PPARGC1A: variants seen among roughly 807,000 people sequenced by gnomAD.
PPARGC1A encodes PPARG coactivator 1 alpha.
In PPARGC1A, 25 loss-of-function variants were observed where a neutral mutation model predicts 88.7. The observed-to-expected ratio is 0.28, with a 90% confidence interval of 0.21 to 0.39. The LOEUF (loss-of-function observed/expected upper bound fraction) is 0.39, where lower values mean the gene tolerates loss of function less well. PPARGC1A is among the 10% of genes least tolerant of loss of function. The probability of loss-of-function intolerance (pLI) is 1.00; values close to 1 mark genes in which losing one functional copy is unlikely to be tolerated. For synonymous variants in PPARGC1A, 363 were observed against 355.6 expected (o/e 1.02, Z -0.24); for missense variants, 880 against 968.7 (o/e 0.91, Z 1.22).
At chr4:24,313,865 A>C in the PPARGC1A span, among the ~76,000 whole-genome samples, 1 of 152,252 alleles carries the variant, frequency 6.6e-6, no homozygotes, top group Non-Finnish European at 1.5e-5. Flanking sequence ...GAAGTGAAAA[A>C]TGGATAACAT....
chr4:24,454,053 T>A, the PPARGC1A span, among the ~76,000 whole-genome samples: 1 of 151,926 alleles, frequency 6.6e-6, no homozygotes, highest in African/African-American at 2.4e-5. Context: ...ATCTTCTTGA[T>A]CACTACTATT....
intron 7 of PPARGC1A, among the ~76,000 whole-genome samples, chr4:23,818,620 A>G (rs1360147027): frequency 6.6e-6 from 1 of 152,036 alleles, no homozygotes; most frequent in Non-Finnish European, 1.5e-5. Flanking sequence ...TGCACAGCAA[A>G]TCTGGGAGAA....
Position 23,829,514 on chromosome 4 carries a change from C to T in PPARGC1A, c.501G>A (p.Gln167=), listed in dbSNP as rs1027475766. Residue 167 remains glutamine, a synonymous_variant, in exon 4 of 13, where the codon CAG becomes CAA. Coordinates refer to ENST00000264867, the MANE Select transcript of PPARGC1A (RefSeq NM_013261.5). ...TCCTGTGATTGTGATTTGCATGGTTCTGGGTACTGAGACCACTGCATTCAT... is the reference window on the plus strand; with the variant it reads ...TCCTGTGATTGTGATTTGCATGGTTTTGGGTACTGAGACCACTGCATTCAT... ...SYNECSGLST[Q]NHANHNHRIR... is the part of the protein sequence containing the mutation. The T allele has an allele frequency of 3.1e-6, 5 of 1,613,752 alleles. No individual in the cohort carries two copies. The highest frequency in any genetic ancestry group is 1.7e-5 in the Admixed American group (1 of 60,016).
chr4:23,878,074 G>A (rs1715162057), intron 2 of PPARGC1A, among the ~76,000 whole-genome samples: 2 of 152,090 alleles, frequency 1.3e-5, no homozygotes, highest in South Asian at 2.1e-4. Context: ...TTTCCTCCTT[G>A]TGAATTTGGG....
At chr4:24,083,858 C>T in the PPARGC1A span, among the ~76,000 whole-genome samples, 40 of 152,206 alleles carry the variant, frequency 2.6e-4, no homozygotes, top group Admixed American at 2.6e-3. Context: ...GCGTCTGCAT[C>T]TTATTTCGTT....
chr4:24,318,265 G>C, the PPARGC1A span, among the ~76,000 whole-genome samples: 1 of 152,172 alleles, frequency 6.6e-6, no homozygotes, highest in Non-Finnish European at 1.5e-5. Context: ...ACATATGACT[G>C]TTTCTCCGGG....
chr4:23,910,795 G>A, the PPARGC1A span, among the ~76,000 whole-genome samples: 2 of 127,018 alleles, frequency 1.6e-5, no homozygotes, highest in East Asian at 4.2e-4. Context: ...ATTATCTTAT[G>A]AAATGTCAAC....
the PPARGC1A span, among the ~76,000 whole-genome samples, chr4:24,335,668 G>A: frequency 2.0e-5 from 3 of 152,228 alleles, no homozygotes; most frequent in Non-Finnish European, 1.5e-5. Context: ...GCGAGGGTAC[G>A]TTACAGAGGA....
chr4:23,862,745 C>G (rs1222577599), intron 2 of PPARGC1A, among the ~76,000 whole-genome samples: 2 of 152,166 alleles, frequency 1.3e-5, no homozygotes, highest in Non-Finnish European at 2.9e-5. Flanking sequence ...CAAGAAGAAG[C>G]CTGGCGAATT....
chr4:24,127,443 G>A, the PPARGC1A span, among the ~76,000 whole-genome samples: 2 of 151,950 alleles, frequency 1.3e-5, no homozygotes, highest in Non-Finnish European at 2.9e-5. Context: ...TGTTTATCTG[G>A]TGGGGGTGAG....
At chr4:24,191,750 C>CAA in the PPARGC1A span, among the ~76,000 whole-genome samples, 18 of 152,314 alleles carry the variant, frequency 1.2e-4, no homozygotes, top group South Asian at 3.5e-3. Context: ...TGGGTGGCCA[C>CAA]AGCTGGCACA....
chr4:24,088,113 C>A, the PPARGC1A span, among the ~76,000 whole-genome samples: 2 of 152,066 alleles, frequency 1.3e-5, no homozygotes, highest in African/African-American at 2.4e-5. Flanking sequence ...TTTTGGGAGG[C>A]CGAGGCAAGA....
the PPARGC1A span, among the ~76,000 whole-genome samples, chr4:23,990,120 C>T: frequency 6.9e-6 from 1 of 144,212 alleles, no homozygotes; most frequent in Non-Finnish European, 1.5e-5. Context: ...ATATAATATA[C>T]ATTATATATT....
chr4:24,125,194 C>T, the PPARGC1A span, among the ~76,000 whole-genome samples: 151 of 152,234 alleles, frequency 9.9e-4, 3 homozygotes, highest in East Asian at 0.028. Context: ...TTTTATACAT[C>T]TTAAATTAAT....
the PPARGC1A span, among the ~76,000 whole-genome samples, chr4:24,044,063 C>G: frequency 6.6e-6 from 1 of 152,078 alleles, no homozygotes; most frequent in South Asian, 2.1e-4. Flanking sequence ...TAACAAAGAG[C>G]GTCAAATTGG....
the PPARGC1A span, among the ~76,000 whole-genome samples, chr4:24,157,894 T>C: frequency 6.6e-6 from 1 of 151,682 alleles, no homozygotes; most frequent in Non-Finnish European, 1.5e-5. Context: ...TCAGAAAAAA[T>C]AAAAAAGCAA....
chr4:24,132,545 T>G, the PPARGC1A span, among the ~76,000 whole-genome samples: 1 of 152,196 alleles, frequency 6.6e-6, no homozygotes, highest in African/African-American at 2.4e-5. Context: ...TTTCTTCTCT[T>G]GATATGTGCT....
chr4:24,051,911 A>C, the PPARGC1A span, among the ~76,000 whole-genome samples: 2 of 148,450 alleles, frequency 1.3e-5, no homozygotes, highest in Admixed American at 6.8e-5. Flanking sequence ...AACTTGGGAC[A>C]GTTATTCTCA....
At chr4:23,924,460 T>A in the PPARGC1A span, among the ~76,000 whole-genome samples, 1 of 152,058 alleles carries the variant, frequency 6.6e-6, no homozygotes, top group Non-Finnish European at 1.5e-5. Context: ...ACCCCATCTC[T>A]ACTAAAAATA....
Sources: gnomAD v4.1 joint callset for allele counts (sites outside exome capture counted in the v4.1 genomes callset) on GRCh38, gnomAD v4.1.1 for gene constraint, MANE v1.5 for transcripts, NCBI Gene and HGNC (gene_info 2026-07-23, HGNC 2026-07-21) for gene names.